RYR3: variants seen among roughly 807,000 people sequenced by gnomAD.
The protein encoded by RYR3 is ryanodine receptor 3, also known as brain ryanodine receptor-calcium release channel.
A neutral mutation model predicts 584.3 loss-of-function variants in RYR3; 207 were observed. The ratio of observed to expected loss-of-function variants is 0.35; its 90% CI spans 0.32 to 0.40. RYR3 has a LOEUF of 0.40. RYR3 is among the 10% of genes least tolerant of loss of function. The pLI, the probability that RYR3 is intolerant of heterozygous loss-of-function variation, is 1.00. For missense variants in RYR3, 5,616 were observed against 6,089.2 expected (o/e 0.92, Z 2.59); for synonymous variants, 2,416 against 2,248.5 (o/e 1.07, Z -2.11).
At position 33,696,471 on chromosome 15, in the gene RYR3, G is replaced by A. The variant is rs368924450; in HGVS notation, c.6114G>A (p.Leu2038=). 1.3e-4 allele frequency: 211 copies of A among 1,613,892 alleles called. No individual in the cohort carries two copies. Among genetic ancestry groups the A allele is most frequent in the Non-Finnish European group, 1.6e-4 (190 of 1,179,896 alleles). ...LSVRMGKEEE[L]LMINGLGDIM... ...TCAGGATGGGCAAGGAAGAGGAGTTGCTCATGATCAATGGGCTGGGGTAGG... is the reference window on the plus strand; with the variant it reads ...TCAGGATGGGCAAGGAAGAGGAGTTACTCATGATCAATGGGCTGGGGTAGG... The change falls in exon 39 of 104, where the codon TTG becomes TTA. Residue 2038 remains leucine, a synonymous_variant. Transcript: ENST00000634891.
Position 33,818,573 on chromosome 15 carries a change from T to C in RYR3, c.10600-5T>C, listed in dbSNP as rs1378836108. On this transcript the variant is annotated splice_polypyrimidine_tract_variant and splice_region_variant and intron_variant, in intron 75 of 103. Coordinates refer to ENST00000634891, the MANE Select transcript of RYR3 (RefSeq NM_001036.6). ...CCTAAAACCTATCTGTGTTGGTTTG[T>C]GTAGAAATCTCCAAAGGTGGAAGAG... The C allele has an allele frequency of 5.0e-6, 8 of 1,607,458 alleles. No homozygotes were observed. Among genetic ancestry groups the C allele is most frequent in the Non-Finnish European group, 6.8e-6 (8 of 1,174,074 alleles).
intron 10 of RYR3, among the ~76,000 whole-genome samples, chr15:33,555,357 A>G (rs915126223): frequency 6.6e-6 from 1 of 152,212 alleles, no homozygotes; most frequent in Non-Finnish European, 1.5e-5. Flanking sequence ...TATGGAGCAA[A>G]GGAGGGAAGG....
rs753308511 is a variant in RYR3 at position 33,663,727 on chromosome 15, C to G, written c.5609C>G (p.Pro1870Arg). 3.1e-6 allele frequency: 5 copies of G among 1,605,856 alleles called. No individual in the cohort carries two copies. In the South Asian group the frequency reaches 3.4e-5, roughly 11 times the overall value. Residue 1870 changes from proline (P) to arginine (R), a missense_variant, in exon 36 of 104, where the codon CCA becomes CGA. By Grantham distance (103) the Pro-to-Arg change is moderately radical. Transcript: ENST00000634891. ...ARKTKEFRSP[P>R]QEQINMLLNF... Reference sequence around the variant, plus strand: ...AAGACCAAGGAGTTCCGCTCACCCCCACAGGAGCAGGTGAGGGTCCTTCCT... The same window carrying G: ...AAGACCAAGGAGTTCCGCTCACCCCGACAGGAGCAGGTGAGGGTCCTTCCT...
chr15:33,610,511 T>G (rs1396254551), intron 18 of RYR3, among the ~76,000 whole-genome samples: 1 of 152,116 alleles, frequency 6.6e-6, no homozygotes, highest in Non-Finnish European at 1.5e-5. Flanking sequence ...TTACTGCCTG[T>G]GGAAGAGTGG....
intron 28 of RYR3, 40 bp from the exon 29 acceptor site, chr15:33,646,310 GC>G: frequency 6.5e-7 from 1 of 1,540,520 alleles, no homozygotes; most frequent in South Asian, 1.2e-5. Flanking sequence ...TCAAGGTCAG[GC>G]CCTTTGGTAT....
chr15:33,458,465 C>T (rs2047743979), intron 1 of RYR3, among the ~76,000 whole-genome samples: 1 of 152,200 alleles, frequency 6.6e-6, no homozygotes, highest in South Asian at 2.1e-4. Flanking sequence ...CGTCGTGGGA[C>T]TTCTCAGCTT....
chr15:33,794,321 AT>A (rs1567185555), intron 67 of RYR3, among the ~76,000 whole-genome samples: 1 of 136,594 alleles, frequency 7.3e-6, no homozygotes, highest in African/African-American at 2.6e-5. Flanking sequence ...ATATATATAT[AT>A]TTTTATATAT....
intron 47 of RYR3, among the ~76,000 whole-genome samples, chr15:33,729,677 CT>C (rs1567042715): frequency 6.6e-6 from 1 of 151,978 alleles, no homozygotes. Context: ...AGTTACAAAG[CT>C]CAGATACGAG....
chr15:33,860,611 T>C lies in RYR3; in HGVS notation c.14316T>C (p.Ala4772=). Residue 4772 remains alanine (A), a synonymous_variant, in exon 101 of 104, where the codon GCT becomes GCC. Transcript: ENST00000634891. ...ACATTCCAGGTCTTATTATTGATGC[T>C]TTCGGAGAGCTAAGAGACCAGCAGG... ...LAIIQGLIID[A]FGELRDQQEQ... 1.3e-6 allele frequency: 2 copies of C among 1,590,770 alleles called. No individual in the cohort carries two copies. Among genetic ancestry groups the C allele is most frequent in the South Asian group, 1.2e-5 (1 of 86,948 alleles).
intron 65 of RYR3, among the ~76,000 whole-genome samples, chr15:33,785,390 T>C (rs993648181): frequency 6.6e-6 from 1 of 152,174 alleles, no homozygotes; most frequent in African/African-American, 2.4e-5. Flanking sequence ...AGGAACTAAC[T>C]ATCCCTCATC....
chr15:33,651,277 T>G (rs555026228), intron 31 of RYR3, among the ~76,000 whole-genome samples: 2 of 152,374 alleles, frequency 1.3e-5, no homozygotes, highest in South Asian at 2.1e-4. Context: ...CCACTTCACA[T>G]TCCCACAGCT....
At chr15:33,859,476 G>C (rs2080104407) in intron 99 of RYR3, 99 bp from the exon 100 acceptor site, 1 of 1,381,726 alleles carries the variant, frequency 7.2e-7, no homozygotes, top group South Asian at 1.3e-5. Flanking sequence ...CGTGGCTTAG[G>C]GCTGCCACAA....
At chr15:33,619,053 C>T (rs1313544973) in intron 19 of RYR3, among the ~76,000 whole-genome samples, 1 of 152,208 alleles carries the variant, frequency 6.6e-6, no homozygotes, top group Non-Finnish European at 1.5e-5. Flanking sequence ...AACTTCACTA[C>T]TCCCAGGCAG....
intron 1 of RYR3, among the ~76,000 whole-genome samples, chr15:33,468,673 G>A (rs2048680696): frequency 6.6e-6 from 1 of 152,164 alleles, no homozygotes; most frequent in Non-Finnish European, 1.5e-5. Flanking sequence ...TGCTCTAATA[G>A]AGTTTATAAT....
intron 36 of RYR3, among the ~76,000 whole-genome samples, chr15:33,664,895 G>C (rs1297485892): frequency 6.6e-6 from 1 of 152,052 alleles, no homozygotes; most frequent in Non-Finnish European, 1.5e-5. Flanking sequence ...GCTTAAAAAT[G>C]AATGACATAT....
chr15:33,602,800 C>T (rs1263554578), intron 17 of RYR3, among the ~76,000 whole-genome samples: 6 of 120,428 alleles, frequency 5.0e-5, no homozygotes, highest in South Asian at 5.7e-4. Context: ...GGCTGGAGTG[C>T]GGTGGCATAA....
At chr15:33,728,197 T>C (rs182512680) in intron 46 of RYR3, among the ~76,000 whole-genome samples, 224 of 152,328 alleles carry the variant, frequency 1.5e-3, no homozygotes, top group Non-Finnish European at 2.9e-3. Flanking sequence ...TTCTGTAGTA[T>C]AAACTTTCTC....
intron 69 of RYR3, among the ~76,000 whole-genome samples, chr15:33,806,287 C>T (rs889682998): frequency 2.0e-5 from 3 of 152,082 alleles, no homozygotes; most frequent in African/African-American, 7.2e-5. Flanking sequence ...ATAAGATAAC[C>T]ACTGGTGATA....
chr15:33,560,440 C>T (rs2057338639), intron 10 of RYR3, among the ~76,000 whole-genome samples: 1 of 90,154 alleles, frequency 1.1e-5, no homozygotes, highest in South Asian at 3.8e-4. Flanking sequence ...TCCAGAAAAA[C>T]AGATCTTTGT....
Sources: allele counts gnomAD v4.1 joint callset (sites outside exome capture counted in the v4.1 genomes callset), GRCh38; gene constraint gnomAD v4.1.1; transcripts MANE v1.5; gene names NCBI Gene and HGNC (gene_info 2026-07-23, HGNC 2026-07-21).